The following WDR7 variants were observed in gnomAD, a reference collection of about 807,000 sequenced individuals.
WDR7 encodes WD repeat domain 7.
Under a neutral mutation model 169.4 loss-of-function variants are expected in WDR7, and 46 were observed. The ratio of observed to expected loss-of-function variants is 0.27; its 90% confidence interval spans 0.21 to 0.35. WDR7 has a LOEUF of 0.35. Ranked by LOEUF, WDR7 falls within the 10% of genes least tolerant of loss-of-function variation. The probability of loss-of-function intolerance (pLI) is 1.00; values close to 1 mark genes in which losing one functional copy is unlikely to be tolerated. For missense variants in WDR7, 1,534 were observed against 1,859.3 expected (o/e 0.83, Z 3.22); for synonymous variants, 612 against 666.8 (o/e 0.92, Z 1.27).
intron 25 of WDR7, among the ~76,000 whole-genome samples, chr18:56,942,585 T>C (rs1167320768): frequency 6.6e-6 from 1 of 152,096 alleles, no homozygotes; most frequent in Non-Finnish European, 1.5e-5. Context: ...TTTATTTCAG[T>C]GTTTAACATT....
chr18:57,003,423 T>TAAAGTCCTTTAA (rs1329439343), intron 26 of WDR7, among the ~76,000 whole-genome samples: 2 of 152,082 alleles, frequency 1.3e-5, no homozygotes, highest in Non-Finnish European at 2.9e-5. Flanking sequence ...GCACTCTTTT[T>TAAAGTCCTTTAA]AAAGTCCTTT....
intron 7 of WDR7, among the ~76,000 whole-genome samples, chr18:56,687,678 G>A (rs1039818738): frequency 6.6e-6 from 1 of 152,116 alleles, no homozygotes; most frequent in Non-Finnish European, 1.5e-5. Context: ...CCAGGCTGGA[G>A]TGCAATGGCA....
intron 7 of WDR7, among the ~76,000 whole-genome samples, chr18:56,687,886 C>G (rs542004575): frequency 5.3e-5 from 8 of 152,160 alleles, no homozygotes; most frequent in South Asian, 4.1e-4. Flanking sequence ...CCTCAGCCCC[C>G]CAAAGTGCTG....
chr18:56,871,780 G>T (rs2045956634), intron 20 of WDR7, among the ~76,000 whole-genome samples: 1 of 151,914 alleles, frequency 6.6e-6, no homozygotes, highest in Non-Finnish European at 1.5e-5. Context: ...TTAATATAAT[G>T]TGTTGGGTTA....
chr18:56,656,975 A>G (rs2024790074), intron 1 of WDR7, among the ~76,000 whole-genome samples: 1 of 152,144 alleles, frequency 6.6e-6, no homozygotes, highest in African/African-American at 2.4e-5. Flanking sequence ...AGAAAATGCT[A>G]TTGATTTTCA....
intron 20 of WDR7, among the ~76,000 whole-genome samples, chr18:56,851,530 T>C (rs1379317703): frequency 6.6e-6 from 1 of 152,206 alleles, no homozygotes; most frequent in Admixed American, 6.5e-5. Context: ...TTCATCTTCC[T>C]TTCTAGATTT....
At chr18:56,716,433 A>G (rs1316288118) in intron 12 of WDR7, among the ~76,000 whole-genome samples, 2 of 152,212 alleles carry the variant, frequency 1.3e-5, no homozygotes, top group Non-Finnish European at 2.9e-5. Context: ...AATAAAAATA[A>G]AACAGTTGAA....
chr18:56,778,633 A>G (rs1039935949), intron 17 of WDR7, among the ~76,000 whole-genome samples: 1 of 152,134 alleles, frequency 6.6e-6, no homozygotes, highest in Non-Finnish European at 1.5e-5. Flanking sequence ...TGGAGTGACT[A>G]TTTGGGAATG....
At chr18:56,693,915 G>C (rs1206359792) in intron 9 of WDR7, among the ~76,000 whole-genome samples, 1 of 151,988 alleles carries the variant, frequency 6.6e-6, no homozygotes, top group African/African-American at 2.4e-5. Context: ...TGTCATCCAG[G>C]CTGGAGTGCA....
rs374804469 is a variant in WDR7 at position 56,790,255 on chromosome 18, G to C, written c.3190+8599G>C. On this transcript the variant is annotated intron_variant, in intron 19 of 27. Transcript: ENST00000254442. ...CCAACTTGTTTTTATAGAGCAAAAAGCTGAGTTGATAATCTTGTGATGTTT... is the reference window on the plus strand; with the variant it reads ...CCAACTTGTTTTTATAGAGCAAAAACCTGAGTTGATAATCTTGTGATGTTT... Among the ~76,000 whole-genome samples, 74 of 152,252 alleles carry C rather than the reference G, an allele frequency of 4.9e-4. 3 individuals are homozygous for C. The South Asian group carries it at 0.015, about 30-fold the overall frequency.
intron 21 of WDR7, among the ~76,000 whole-genome samples, chr18:56,913,612 C>A (rs2046582547): frequency 8.6e-6 from 1 of 116,166 alleles, no homozygotes. Flanking sequence ...CAGAGTGAGA[C>A]CCCATCTCTA....
At chr18:56,854,089 C>T (rs2045681255) in intron 20 of WDR7, among the ~76,000 whole-genome samples, 1 of 152,184 alleles carries the variant, frequency 6.6e-6, no homozygotes, top group Non-Finnish European at 1.5e-5. Flanking sequence ...CACACCACTG[C>T]AGTCGGCACA....
chr18:56,682,592 T>C (rs1298968823), intron 4 of WDR7, 87 bp from the exon 5 acceptor site: 7 of 1,430,106 alleles, frequency 4.9e-6, no homozygotes, highest in African/African-American at 2.9e-5. Flanking sequence ...GAGAATATTG[T>C]AATAACCTTG....
At chr18:56,925,598 T>C (rs2046795213) in intron 22 of WDR7, among the ~76,000 whole-genome samples, 1 of 152,178 alleles carries the variant, frequency 6.6e-6, no homozygotes, top group African/African-American at 2.4e-5. Context: ...TTCTTAGCCC[T>C]TTGCTTTGCC....
intron 1 of WDR7, among the ~76,000 whole-genome samples, chr18:56,664,530 CT>C (rs56780827): frequency 1.3e-3 from 189 of 145,580 alleles, no homozygotes; most frequent in African/African-American, 2.2e-3. Flanking sequence ...TTTTTTTCTC[CT>C]TTTTTTTTTT....
intron 5 of WDR7, 41 bp from the exon 6 acceptor site, chr18:56,685,915 G>T: frequency 6.6e-7 from 1 of 1,516,342 alleles, no homozygotes; most frequent in Admixed American, 1.9e-5. Flanking sequence ...AGCGTATTAT[G>T]TTCGTAACCT....
intron 14 of WDR7, among the ~76,000 whole-genome samples, chr18:56,741,913 T>C (rs1397894158): frequency 6.6e-6 from 1 of 152,204 alleles, no homozygotes; most frequent in Non-Finnish European, 1.5e-5. Flanking sequence ...AATAATGACA[T>C]ATACAACAGA....
intron 26 of WDR7, among the ~76,000 whole-genome samples, chr18:57,007,344 T>C (rs2048076377): frequency 6.6e-6 from 1 of 152,210 alleles, no homozygotes; most frequent in Non-Finnish European, 1.5e-5. Flanking sequence ...TAATTATACT[T>C]GGAGAAATCT....
intron 14 of WDR7, among the ~76,000 whole-genome samples, chr18:56,754,893 T>C (rs1462447950): frequency 2.0e-5 from 3 of 152,218 alleles, no homozygotes; most frequent in Non-Finnish European, 4.4e-5. Flanking sequence ...CTTTTAAAAC[T>C]ATTCAAATTC....
Sources: allele counts gnomAD v4.1 joint callset (sites outside exome capture counted in the v4.1 genomes callset), GRCh38; gene constraint gnomAD v4.1.1; transcripts MANE v1.5; gene names NCBI Gene and HGNC (gene_info 2026-07-23, HGNC 2026-07-21).